The following BDH1 variants were observed in gnomAD, a reference collection of about 807,000 sequenced individuals.
BDH1 encodes the protein 3-hydroxybutyrate dehydrogenase 1, also known as D-beta-hydroxybutyrate dehydrogenase, mitochondrial.
BDH1 carries 30 observed loss-of-function variants against 33.1 expected under a neutral mutation model. The observed-to-expected ratio is 0.91, with a 90% CI of 0.68 to 1.23. BDH1 has a LOEUF of 1.23. Ranked by LOEUF, BDH1 falls within the 50% of genes most tolerant of loss-of-function variation. BDH1 has a pLI of 0.00. For synonymous variants in BDH1, 190 were observed against 183.6 expected (o/e 1.03, Z -0.28); for missense variants, 443 against 464.4 (o/e 0.95, Z 0.42).
chr3:197,572,198 A>G (rs1310988183), intron 1 of BDH1, among the ~76,000 whole-genome samples: 1 of 152,178 alleles, frequency 6.6e-6, no homozygotes, highest in Non-Finnish European at 1.5e-5. Flanking sequence ...GACCTTCACA[A>G]ACAAGCTTTA....
At chr3:197,546,148 AT>A (rs144796894) in intron 3 of BDH1, 15,278 of 492,492 alleles carry the variant, frequency 0.031, 203 homozygotes, top group Admixed American at 0.046. Context: ...AGAAAAAAAA[AT>A]AAGTGGTTAT....
rs138625656 is a variant in BDH1, at chr3:197,512,486, A to G, written c.563-122T>C. 7 of 1,068,234 alleles carry G rather than the reference A, an allele frequency of 6.6e-6. No homozygotes were observed. In the African/African-American group the frequency reaches 8.0e-5, roughly 12 times the overall value. 66.2% of individuals were successfully genotyped at this position (1,068,234 alleles called of 1,614,324 possible). ...TTCTGAGCCACCCAGGAGCCTTCTCAGTCAATAGGCAAGGCCAGCTCAGGC... is the reference window on the plus strand; with the variant it reads ...TTCTGAGCCACCCAGGAGCCTTCTCGGTCAATAGGCAAGGCCAGCTCAGGC... On this transcript the variant is annotated intron_variant, in intron 7 of 7. Transcript: ENST00000392379.
At chr3:197,539,432 G>A (rs1199120667) in intron 3 of BDH1, among the ~76,000 whole-genome samples, 6 of 152,176 alleles carry the variant, frequency 3.9e-5, no homozygotes, top group Non-Finnish European at 8.8e-5. Flanking sequence ...GAGCCACCAC[G>A]CCCAGACTAT....
chr3:197,554,847 G>A lies in BDH1; in HGVS notation c.-195-134C>T, dbSNP rs1331268737. ...GCGCCTGGGCCGCTAGGGACCGACC[G>A]GAGCGCTCAAACCCACAGGGTATCT... On this transcript the variant is annotated intron_variant, in intron 1 of 7. Transcript: ENST00000392379. The surrounding 1 kb of genome is among the most constrained non-coding windows in gnomAD (Gnocchi z 4.4). The A allele has an allele frequency of 6.6e-6, 1 of 152,264 alleles. No individual in the cohort carries two copies. Among genetic ancestry groups the A allele is most frequent in the Non-Finnish European group, 1.5e-5 (1 of 68,070 alleles). 9.4% of individuals were successfully genotyped at this position (152,264 alleles called of 1,614,324 possible).
intron 3 of BDH1, chr3:197,534,072 T>C (rs1374858312): frequency 4.6e-5 from 7 of 153,484 alleles, no homozygotes; most frequent in African/African-American, 1.7e-4. Flanking sequence ...TAAGAAATAA[T>C]ACAGAGAGAT....
Position 197,523,667 on chromosome 3 carries a change from C to T in BDH1, c.268-886G>A, listed in dbSNP as rs543163197. On this transcript the variant is annotated intron_variant, in intron 5 of 7. Coordinates refer to ENST00000392379, the MANE Select transcript of BDH1 (RefSeq NM_203314.3). This position sits in a 1 kb window ranked among gnomAD's most constrained non-coding sequence, Gnocchi z 4.5. Reference sequence around the variant, plus strand: ...ATCATTCAGCCCCTGTTCCCAGAGTCGTGTTCTAGGGAAGGAGACAGGTGA... The same window carrying T: ...ATCATTCAGCCCCTGTTCCCAGAGTTGTGTTCTAGGGAAGGAGACAGGTGA... Among the ~76,000 whole-genome samples, 93 of 152,142 alleles carry T rather than the reference C, an allele frequency of 6.1e-4. No individual in the cohort carries two copies. The highest frequency in any genetic ancestry group is 2.0e-3 in the African/African-American group (84 of 41,494).
chr3:197,545,870 C>G (rs1436211563), intron 3 of BDH1, among the ~76,000 whole-genome samples: 1 of 152,232 alleles, frequency 6.6e-6, no homozygotes, highest in Non-Finnish European at 1.5e-5. Flanking sequence ...GGCACAGTGG[C>G]TCATGCCTGT....
rs529882630 is a variant in BDH1, at chr3:197,535,810, T to C, written c.84-2249A>G. Among the ~76,000 whole-genome samples, 4 of 152,228 alleles carry C rather than the reference T, an allele frequency of 2.6e-5. No homozygotes were observed. The East Asian group carries it at 7.7e-4, about 29-fold the overall frequency. On this transcript the variant is annotated intron_variant, in intron 3 of 7. Transcript: ENST00000392379. Reference sequence around the variant, plus strand: ...CTGTAATCCCAGCGCTTTGGGAGGCTGAGGTGGGCAGATTGCTTGAGCTCA... The same window carrying C: ...CTGTAATCCCAGCGCTTTGGGAGGCCGAGGTGGGCAGATTGCTTGAGCTCA...
In BDH1 at chr3:197,522,427, C is replaced by A. The variant is rs529946358; in HGVS notation, c.409+213G>T. On this transcript the variant is annotated intron_variant, in intron 6 of 7. Coordinates refer to ENST00000392379, the MANE Select transcript of BDH1 (RefSeq NM_203314.3). The surrounding 1 kb of genome is among the most constrained non-coding windows in gnomAD (Gnocchi z 4.8). ...GCGTAGCCACCTAGCACTCCGTGAACTCTGAAATCACCTCCTGACTGTATT... is the reference window on the plus strand; with the variant it reads ...GCGTAGCCACCTAGCACTCCGTGAAATCTGAAATCACCTCCTGACTGTATT... Among the ~76,000 whole-genome samples the A allele has an allele frequency of 9.9e-5, 15 of 152,218 alleles. No homozygotes were observed. The highest frequency in any genetic ancestry group is 1.5e-4 in the Non-Finnish European group (10 of 68,046).
chr3:197,556,529 G>A (rs937451020), upstream of BDH1, among the ~76,000 whole-genome samples: 5 of 152,178 alleles, frequency 3.3e-5, no homozygotes, highest in Admixed American at 6.5e-5. Flanking sequence ...TTAGCAGGGC[G>A]CGGTGGCGCA....
At position 197,520,461 on chromosome 3, in the gene BDH1, CGGGGCCCACCCT is replaced by C. The variant is rs1713421957; in HGVS notation, c.409+2167_409+2178del. Among the ~76,000 whole-genome samples, 2 of 152,098 alleles carry C rather than the reference CGGGGCCCACCCT, an allele frequency of 1.3e-5. No homozygotes were observed. The highest frequency in any genetic ancestry group is 4.8e-5 in the African/African-American group (2 of 41,410). On this transcript the variant is annotated intron_variant, in intron 6 of 7. Transcript: ENST00000392379. The surrounding 1 kb of genome is among the most constrained non-coding windows in gnomAD (Gnocchi z 6.0). ...GTGAGTGCCTCCCCTCTGTGTGGGC[CGGGGCCCACCCT>C]GCCTTGTAGGTTAGGCTGCCTGGCC... is the stretch of plus-strand genomic sequence containing the variant.
rs35012311 is a variant in BDH1 at position 197,510,596 on chromosome 3, AG to A, written c.*1298del. ...AGGCCACGCTGAAGCCCTGCAGAAC[AG>A]GGGTGTGTGTGTGTGTGTGTGTGTG... On this transcript the variant is annotated 3_prime_UTR_variant, in exon 8 of 8. Coordinates refer to ENST00000392379, the MANE Select transcript of BDH1 (RefSeq NM_203314.3). 0.017 allele frequency: 1,278 copies of A among 76,660 alleles called. 20 individuals are homozygous for A. The highest frequency in any genetic ancestry group is 0.034 in the African/African-American group (579 of 17,038). The allele number at this position is 76,660 out of a possible 1,614,324, so 4.7% of individuals were successfully genotyped here.
rs906074728 is a variant in BDH1 at position 197,544,626 on chromosome 3, C to G, written c.83+1735G>C. On this transcript the variant is annotated intron_variant, in intron 3 of 7. Coordinates refer to ENST00000392379, the MANE Select transcript of BDH1 (RefSeq NM_203314.3). ...CTGATGGCAGGGGCCTCCGCCGTCC[C>G]CGCTGTGATGGCAGGGGCCTCCTGC... Among the ~76,000 whole-genome samples, 3 of 152,338 alleles carry G rather than the reference C, an allele frequency of 2.0e-5. No homozygotes were observed. The East Asian group carries it at 5.8e-4, about 29-fold the overall frequency.
intron 1 of BDH1, among the ~76,000 whole-genome samples, chr3:197,566,022 A>C (rs1717420840): frequency 6.6e-6 from 1 of 152,242 alleles, no homozygotes; most frequent in Non-Finnish European, 1.5e-5. Context: ...TTCAGATACA[A>C]GAAAACGTCT....
At position 197,510,776 on chromosome 3, in the gene BDH1, G is replaced by C. The variant is rs897912288; in HGVS notation, c.*1119C>G. ...GGACCCCAAATCCACTGCTAGGGGA[G>C]ATGCCACAGTGCCCTGCCATGGCAC... is the stretch of plus-strand genomic sequence containing the variant. On this transcript the variant is annotated 3_prime_UTR_variant, in exon 8 of 8. Coordinates refer to ENST00000392379, the MANE Select transcript of BDH1 (RefSeq NM_203314.3). 3 of 152,016 alleles carry C rather than the reference G, an allele frequency of 2.0e-5. No homozygotes were observed. In the Admixed American group the frequency reaches 2.0e-4, roughly 10 times the overall value. The allele number at this position is 152,016 out of a possible 1,614,324, so 9.4% of individuals were successfully genotyped here.
chr3:197,512,114 G>A lies in BDH1; in HGVS notation c.813C>T (p.Asp271=), dbSNP rs1196705026. The change falls in exon 8 of 8, where the codon GAC becomes GAT. Residue 271 remains aspartate, a synonymous_variant. Transcript: ENST00000392379. ...WEELPEVVRK[D]YGKKYFDEKI... ...TTTCATCAAAGTACTTCTTGCCGTA[G>A]TCCTTGCGCACGACCTCAGGCAGCT... The A allele has an allele frequency of 6.2e-7, 1 of 1,614,226 alleles. No individual in the cohort carries two copies. The highest frequency in any genetic ancestry group is 1.1e-5 in the South Asian group (1 of 91,084).
At chr3:197,515,330 C>T (rs1021490761) in intron 6 of BDH1, 8 of 985,466 alleles carry the variant, frequency 8.1e-6, no homozygotes, top group African/African-American at 7.0e-5. Context: ...CAAAGCCTTG[C>T]GGGTGTCTCC....
chr3:197,538,179 C>A, intron 3 of BDH1: 1 of 424,100 alleles, frequency 2.4e-6, no homozygotes, highest in South Asian at 1.7e-5. Flanking sequence ...AGTACATCTA[C>A]TCCATCTTCC....
chr3:197,565,313 A>T (rs552613067), intron 1 of BDH1, among the ~76,000 whole-genome samples: 98 of 152,256 alleles, frequency 6.4e-4, no homozygotes, highest in Non-Finnish European at 1.2e-3. Context: ...TAAATCCTTG[A>T]GTTATCACTT....
Sources: allele counts gnomAD v4.1 joint callset (sites outside exome capture counted in the v4.1 genomes callset), GRCh38; gene constraint gnomAD v4.1.1; non-coding constraint Gnocchi (gnomAD v3.1); transcripts MANE v1.5; gene names NCBI Gene and HGNC (gene_info 2026-07-23, HGNC 2026-07-21).